DGKB: variants seen among roughly 807,000 people sequenced by gnomAD.
DGKB encodes diacylglycerol kinase beta.
A neutral mutation model predicts 114.3 loss-of-function variants in DGKB; 67 were observed. The ratio of observed to expected loss-of-function variants is 0.59; its 90% CI spans 0.48 to 0.72. The LOEUF (loss-of-function observed/expected upper bound fraction) is 0.72. DGKB is among the 30% of genes least tolerant of loss of function. The pLI is 0.00. For missense variants in DGKB, 907 were observed against 975.2 expected, an observed-to-expected ratio of 0.93 and a Z score of 0.93; for synonymous variants, 398 against 323.1, an observed-to-expected ratio of 1.23 and a Z score of -2.49.
intron 2 of DGKB, among the ~76,000 whole-genome samples, chr7:14,818,954 T>G (rs562226028): frequency 2.6e-5 from 4 of 152,266 alleles, no homozygotes; most frequent in Non-Finnish European, 5.9e-5. Context: ...AATCTAAGAA[T>G]GAATATGATA....
chr7:14,890,129 C>T (rs967813362), intron 1 of DGKB, among the ~76,000 whole-genome samples: 1 of 151,262 alleles, frequency 6.6e-6, no homozygotes, highest in African/African-American at 2.4e-5. Flanking sequence ...ATTAAAAATC[C>T]CACAGATAAA....
intron 5 of DGKB, among the ~76,000 whole-genome samples, chr7:14,735,746 T>C (rs373358426): frequency 1.3e-5 from 2 of 152,248 alleles, no homozygotes; most frequent in African/African-American, 4.8e-5. Context: ...AATCTATACG[T>C]ATCTAGTTAT....
chr7:14,316,776 T>C (rs1806631251), intron 23 of DGKB, among the ~76,000 whole-genome samples: 1 of 151,492 alleles, frequency 6.6e-6, no homozygotes, highest in Non-Finnish European at 1.5e-5. Flanking sequence ...CCTCCCTAAC[T>C]CATTTGATGA....
At chr7:14,628,852 A>T (rs1809136333) in intron 14 of DGKB, among the ~76,000 whole-genome samples, 2 of 152,128 alleles carry the variant, frequency 1.3e-5, no homozygotes, top group Admixed American at 1.3e-4. Flanking sequence ...GTTTAAGTTA[A>T]TGTAAACCAA....
rs184300328 is a variant in DGKB, at chr7:14,959,384, T to A, written c.-188+15312A>T. On this transcript the variant is annotated intron_variant, in intron 1 of 4. Transcript: ENST00000437998. Reference sequence around the variant, plus strand: ...CAATTTTCAGTGAAATAGAGTTTTTTTTTTTTAAATGTGTGTTTTATCCTC... The same window carrying A: ...CAATTTTCAGTGAAATAGAGTTTTTATTTTTTAAATGTGTGTTTTATCCTC... 2.8e-3 allele frequency among the ~76,000 whole-genome samples: 432 copies of A among 152,082 alleles called. 2 individuals carry two copies. Among genetic ancestry groups the A allele is most frequent in the African/African-American group, 0.01 (424 of 41,540 alleles).
At chr7:14,224,298 A>AAG (rs1437712448) in intron 23 of DGKB, among the ~76,000 whole-genome samples, 2 of 151,972 alleles carry the variant, frequency 1.3e-5, no homozygotes, top group African/African-American at 4.8e-5. Context: ...TTTTCACTTC[A>AAG]GTTATTTTTC....
chr7:14,577,565 T>C lies in DGKB; in HGVS notation c.1610-3193A>G, dbSNP rs148629459. Among the ~76,000 whole-genome samples the C allele has an allele frequency of 4.6e-3, 695 of 151,858 alleles. 5 individuals carry two copies. Among genetic ancestry groups the C allele is most frequent in the Non-Finnish European group, 8.3e-3 (564 of 67,952 alleles). On this transcript the variant is annotated intron_variant, in intron 19 of 25. Coordinates refer to ENST00000402815, the MANE Select transcript of DGKB (RefSeq NM_001350709.2). ...CCGGGGGGCGGAGCCTGCAGTGAGC[T>C]GAGATTGCGCCACTGCACTCCAGCC...
intron 25 of DGKB, among the ~76,000 whole-genome samples, chr7:14,155,327 T>C (rs2128218259): frequency 6.6e-6 from 1 of 152,256 alleles, no homozygotes; most frequent in South Asian, 2.1e-4. Context: ...GTTGAATAGA[T>C]ACATATGTAT....
intron 1 of DGKB, among the ~76,000 whole-genome samples, chr7:14,943,070 T>C (rs1785661270): frequency 6.6e-6 from 1 of 151,982 alleles, no homozygotes; most frequent in Non-Finnish European, 1.5e-5. Flanking sequence ...GTATGACTGA[T>C]TGACTTACTG....
intron 1 of DGKB, among the ~76,000 whole-genome samples, chr7:14,945,486 C>G (rs1268105960): frequency 6.6e-6 from 1 of 151,744 alleles, no homozygotes; most frequent in African/African-American, 2.4e-5. Flanking sequence ...CATGTACTTA[C>G]AATATTAAAA....
intron 1 of DGKB, among the ~76,000 whole-genome samples, chr7:14,857,158 G>T (rs914509590): frequency 1.3e-5 from 2 of 151,612 alleles, no homozygotes; most frequent in African/African-American, 4.9e-5. Context: ...TAAAAATAAG[G>T]TCTAGAGGTA....
chr7:14,799,038 T>C (rs1120332), intron 2 of DGKB, among the ~76,000 whole-genome samples: 50,683 of 152,130 alleles, frequency 0.33, 10,923 homozygotes, highest in African/African-American at 0.61. Flanking sequence ...TCATTCAATT[T>C]GTGTATCTGG....
chr7:14,690,356 C>T (rs1269570118), intron 9 of DGKB, among the ~76,000 whole-genome samples: 1 of 152,202 alleles, frequency 6.6e-6, no homozygotes, highest in Non-Finnish European at 1.5e-5. Flanking sequence ...GTTATCTGAT[C>T]AATTTGATGA....
At chr7:14,581,912 T>C (rs113031714) in intron 18 of DGKB, among the ~76,000 whole-genome samples, 5,163 of 152,296 alleles carry the variant, frequency 0.034, 303 homozygotes, top group African/African-American at 0.12. Context: ...AACATATAAA[T>C]ATGATTTACA....
At chr7:14,205,432 C>T (rs1325931979) in intron 23 of DGKB, among the ~76,000 whole-genome samples, 1 of 151,850 alleles carries the variant, frequency 6.6e-6, no homozygotes, top group African/African-American at 2.4e-5. Context: ...CACCTCATAT[C>T]ATCTCTTCTG....
At chr7:14,617,210 C>G (rs180672535) in intron 15 of DGKB, among the ~76,000 whole-genome samples, 1 of 151,576 alleles carries the variant, frequency 6.6e-6, no homozygotes, top group Non-Finnish European at 1.5e-5. Flanking sequence ...ATTGGTCTAC[C>G]TACTTGATAT....
intron 23 of DGKB, among the ~76,000 whole-genome samples, 166 bp downstream of exon 23, chr7:14,338,349 A>C (rs1459577375): frequency 1.3e-5 from 2 of 152,174 alleles, no homozygotes; most frequent in Non-Finnish European, 2.9e-5. Flanking sequence ...TTGAGTTAGA[A>C]TCTATTGTGA....
chr7:14,573,609 A>AT (rs1358449483), intron 20 of DGKB, among the ~76,000 whole-genome samples: 1 of 151,916 alleles, frequency 6.6e-6, no homozygotes, highest in Non-Finnish European at 1.5e-5. Context: ...ATTGGCTAAA[A>AT]ATATATATAA....
chr7:14,716,757 G>C (rs570219023), intron 6 of DGKB, among the ~76,000 whole-genome samples: 5 of 151,978 alleles, frequency 3.3e-5, no homozygotes, highest in African/African-American at 1.2e-4. Context: ...CATTAAAAAA[G>C]AAAAAGAAAG....
Sources: gnomAD v4.1 joint callset for allele counts (sites outside exome capture counted in the v4.1 genomes callset) on GRCh38, gnomAD v4.1.1 for gene constraint, MANE v1.5 for transcripts, NCBI Gene and HGNC (gene_info 2026-07-23, HGNC 2026-07-21) for gene names.